Variants in SCN7A observed in about 807,000 individuals in gnomAD.
The protein encoded by SCN7A is sodium channel protein type 7 subunit alpha.
SCN7A carries 138 observed loss-of-function variants against 155.2 expected under a neutral mutation model. That is an observed-to-expected ratio of 0.89 (90% CI 0.77 to 1.02). SCN7A has a LOEUF of 1.02. SCN7A is among the 50% of genes least tolerant of loss of function. SCN7A has a pLI of 0.00. For synonymous variants in SCN7A, 693 were observed against 649.0 expected, an observed-to-expected ratio of 1.07 and a Z score of -1.03; for missense variants, 2,058 against 1,986.6, an observed-to-expected ratio of 1.04 and a Z score of -0.68.
At chr2:166,436,521 A>G (rs577549115) in intron 15 of SCN7A, 5 of 293,880 alleles carry the variant, frequency 1.7e-5, no homozygotes, top group South Asian at 1.1e-4. Flanking sequence ...CATCATGACA[A>G]TGGACTAATA....
At position 166,423,421 on chromosome 2, in the gene SCN7A, A is replaced by C. The variant is rs750306067; in HGVS notation, c.2865T>G (p.Asp955Glu). The C allele has an allele frequency of 1.5e-5, 24 of 1,556,522 alleles. 1 individual carries two copies. The Admixed American group carries it at 5.2e-4, about 34-fold the overall frequency. ...LLSTGTLAFE[D>E]IYMDQRKTIK... The stretch of plus-strand genomic sequence containing the variant: ...TTGTCTTTCTCTGATCCATATATAT[A>C]TCTTCAAAAGCCTGTGGGTAAAAAT... Residue 955 changes from aspartate (D) to glutamate (E), a missense_variant, in exon 19 of 26, where the codon GAT (aspartate) becomes GAG (glutamate). Transcript: ENST00000643258.
At chr2:166,489,553 C>T (rs773474090) in intron 1 of SCN7A, among the ~76,000 whole-genome samples, 7 of 152,190 alleles carry the variant, frequency 4.6e-5, no homozygotes, top group African/African-American at 1.2e-4. Flanking sequence ...TGTGAATAAA[C>T]GTTCTTTAAA....
At chr2:166,480,426 C>A (rs1407554592) in intron 2 of SCN7A, among the ~76,000 whole-genome samples, 1 of 150,600 alleles carries the variant, frequency 6.6e-6, no homozygotes, top group Non-Finnish European at 1.5e-5. Flanking sequence ...CCACTGCACT[C>A]CAGCCTGGGT....
chr2:166,487,364 G>T (rs1160017833), intron 1 of SCN7A, among the ~76,000 whole-genome samples: 1 of 152,070 alleles, frequency 6.6e-6, no homozygotes, highest in Non-Finnish European at 1.5e-5. Flanking sequence ...AATGAAGGAT[G>T]GGGAAGAAAA....
rs1701329769 is a variant in SCN7A, at chr2:166,414,864, A to ATATATATTATATAGGATAATATATAT, written c.3415-1744_3415-1743insATATATATTATCCTATATAATATATA. 2.4e-5 allele frequency: 3 copies of ATATATATTATATAGGATAATATATAT among 123,850 alleles called. 1 individual carries two copies. Among genetic ancestry groups the ATATATATTATATAGGATAATATATAT allele is most frequent in the African/African-American group, 9.3e-5 (3 of 32,192 alleles). 7.7% of individuals were successfully genotyped at this position (123,850 alleles called of 1,614,324 possible). A position where few individuals can be genotyped will look rare whatever the true frequency, so the allele number is the denominator to read the frequency against. ...TAATATATAGGATATATAATATATA[A>ATATATATTATATAGGATAATATATAT]TATATATTATATAGGATAATATATA... On this transcript the variant is annotated intron_variant, in intron 21 of 25. Transcript: ENST00000643258.
intron 2 of SCN7A, among the ~76,000 whole-genome samples, chr2:166,481,472 C>CAGT (rs1185124559): frequency 6.6e-6 from 1 of 152,048 alleles, no homozygotes; most frequent in Non-Finnish European, 1.5e-5. Flanking sequence ...CTAAAATACC[C>CAGT]ATCGGCACAA....
rs182686712 is a variant in SCN7A at position 166,468,070 on chromosome 2, C to T, written c.665-2083G>A. On this transcript the variant is annotated intron_variant, in intron 7 of 25. Transcript: ENST00000643258. Reference sequence around the variant, plus strand: ...CATGCATATCTCTACATCAATAAGACTGTGTCTACTCAGTCCCACCACATA... The same window carrying T: ...CATGCATATCTCTACATCAATAAGATTGTGTCTACTCAGTCCCACCACATA... Among the ~76,000 whole-genome samples, 585 of 152,056 alleles carry T rather than the reference C, an allele frequency of 3.8e-3. 1 individual carries two copies. Among genetic ancestry groups the T allele is most frequent in the Non-Finnish European group, 5.3e-3 (363 of 67,918 alleles).
rs191016025 is a variant in SCN7A, at chr2:166,421,723, G to T, written c.3028-426C>A. On this transcript the variant is annotated intron_variant, in intron 19 of 25. Coordinates refer to ENST00000643258, the MANE Select transcript of SCN7A (RefSeq NM_002976.4). The stretch of plus-strand genomic sequence containing the variant: ...ACACATGCATTCATATACAAATATG[G>T]TTAAGACAATATACATGATAGGCTT... 1.1e-3 allele frequency among the ~76,000 whole-genome samples: 163 copies of T among 151,954 alleles called. 1 individual carries two copies. Among genetic ancestry groups the T allele is most frequent in the South Asian group, 4.1e-3 (20 of 4,828 alleles).
intron 3 of SCN7A, among the ~76,000 whole-genome samples, chr2:166,476,204 T>C (rs548596440): frequency 5.3e-4 from 80 of 152,056 alleles, no homozygotes; most frequent in African/African-American, 1.7e-3. Flanking sequence ...TCATTTAAGT[T>C]AATATATACA....
chr2:166,414,738 G>GAC (rs1701323685), intron 21 of SCN7A: 1 of 123,602 alleles, frequency 8.1e-6, no homozygotes, highest in Non-Finnish European at 1.7e-5. Flanking sequence ...TATATATATA[G>GAC]ACACACACAC....
intron 14 of SCN7A, among the ~76,000 whole-genome samples, chr2:166,442,565 T>TC: frequency 1.3e-5 from 2 of 152,110 alleles, no homozygotes; most frequent in East Asian, 3.9e-4. Context: ...TTTTTATTTT[T>TC]TTTTAGAATT....
chr2:166,436,335 G>A (rs1382077828), intron 15 of SCN7A: 1 of 394,480 alleles, frequency 2.5e-6, no homozygotes, highest in Admixed American at 2.7e-5. Flanking sequence ...TTTTATAAGG[G>A]GCTTACCCCA....
At chr2:166,423,158 G>A in intron 19 of SCN7A, 101 bp downstream of exon 19, 1 of 1,125,694 alleles carries the variant, frequency 8.9e-7, no homozygotes. Context: ...TGTAGAGAGA[G>A]AGGGAAAGGA....
Position 166,406,308 on chromosome 2 carries a change from C to T in SCN7A, c.4321G>A (p.Asp1441Asn). Residue 1441 changes from aspartate to asparagine, a missense_variant, in exon 26 of 26, where the codon GAT (aspartate) becomes AAT (asparagine). Coordinates refer to ENST00000643258, the MANE Select transcript of SCN7A (RefSeq NM_002976.4). ...GACCATTTACTGTTGAAAATTGCAT[C>T]AAGCATCCCATCCCAACCAGCAAAT... ...AIFAGWDGMLDAIFNSKWSDC... is the reference protein window; with the variant it reads ...AIFAGWDGMLNAIFNSKWSDC... 1 of 1,613,130 alleles carries T rather than the reference C, an allele frequency of 6.2e-7. No individual in the cohort carries two copies. Among genetic ancestry groups the T allele is most frequent in the Non-Finnish European group, 8.5e-7 (1 of 1,179,420 alleles).
intron 10 of SCN7A, 72 bp from the exon 11 acceptor site, chr2:166,457,148 TA>T: frequency 2.7e-6 from 3 of 1,131,654 alleles, no homozygotes; most frequent in Non-Finnish European, 3.7e-6. Context: ...TATTTTAAAA[TA>T]AAAGGCAAAA....
intron 15 of SCN7A, among the ~76,000 whole-genome samples, chr2:166,439,627 A>AT (rs897494308): frequency 4.6e-5 from 7 of 152,178 alleles, no homozygotes; most frequent in South Asian, 2.1e-4. Context: ...ATATATGATC[A>AT]TTTTTTTGTT....
intron 13 of SCN7A, among the ~76,000 whole-genome samples, 155 bp from the exon 14 acceptor site, chr2:166,443,831 G>T (rs912151235): frequency 6.6e-6 from 1 of 152,134 alleles, no homozygotes; most frequent in Admixed American, 6.6e-5. Flanking sequence ...AGTCTGCATT[G>T]TAAGGACAGA....
At chr2:166,484,673 A>T (rs1389226742) in intron 2 of SCN7A, among the ~76,000 whole-genome samples, 1 of 151,988 alleles carries the variant, frequency 6.6e-6, no homozygotes, top group Non-Finnish European at 1.5e-5. Context: ...AAATCTTGAA[A>T]ACAATTTGGA....
chr2:166,463,390 A>G (rs930843217), intron 9 of SCN7A, among the ~76,000 whole-genome samples: 3 of 152,128 alleles, frequency 2.0e-5, no homozygotes, highest in African/African-American at 7.2e-5. Context: ...TTTTAATGGA[A>G]CAAGGAGAGA....
Sources: allele counts gnomAD v4.1 joint callset (sites outside exome capture counted in the v4.1 genomes callset), GRCh38; gene constraint gnomAD v4.1.1; transcripts MANE v1.5; gene names NCBI Gene and HGNC (gene_info 2026-07-23, HGNC 2026-07-21).